The following DLGAP4 variants were observed in gnomAD, a reference collection of about 807,000 sequenced individuals.
The protein encoded by DLGAP4 is disks large-associated protein 4.
In DLGAP4, 18 loss-of-function variants were observed where a neutral mutation model predicts 86.9. The observed-to-expected ratio is 0.21, with a 90% CI of 0.14 to 0.31. DLGAP4 has a LOEUF of 0.31. Among genes scored for constraint, DLGAP4 ranks in the 10% least tolerant of loss-of-function variants. The probability of loss-of-function intolerance (pLI) is 1.00; values close to 1 mark genes in which losing one functional copy is unlikely to be tolerated. For missense variants in DLGAP4, 1,085 were observed against 1,362.6 expected, an observed-to-expected ratio of 0.80 and a Z score of 3.21; for synonymous variants, 548 against 574.3, an observed-to-expected ratio of 0.95 and a Z score of 0.65.
chr20:36,334,124 C>A (rs1555891853), intron 1 of DLGAP4, among the ~76,000 whole-genome samples: 1 of 152,218 alleles, frequency 6.6e-6, no homozygotes, highest in Non-Finnish European at 1.5e-5. Context: ...GTGAACAAGC[C>A]AGACCCAGCC....
chr20:36,412,455 T>C (rs1389562205), intron 2 of DLGAP4, among the ~76,000 whole-genome samples: 2 of 152,214 alleles, frequency 1.3e-5, no homozygotes, highest in Non-Finnish European at 1.5e-5. Context: ...GGACATTGTC[T>C]CCTGAGAGCT....
chr20:36,382,968 G>A (rs2031458619), intron 2 of DLGAP4, among the ~76,000 whole-genome samples: 1 of 152,172 alleles, frequency 6.6e-6, no homozygotes, highest in African/African-American at 2.4e-5. Flanking sequence ...TTGTTGGGAA[G>A]GGGGAATGTT....
intron 1 of DLGAP4, among the ~76,000 whole-genome samples, chr20:36,342,169 G>T (rs1555892577): frequency 6.6e-6 from 1 of 152,148 alleles, no homozygotes; most frequent in Admixed American, 6.5e-5. Context: ...AGAGCCAGGG[G>T]CCTCCATACA....
intron 1 of DLGAP4, among the ~76,000 whole-genome samples, chr20:36,360,256 C>A (rs1410512992): frequency 9.2e-5 from 14 of 152,186 alleles, no homozygotes; most frequent in African/African-American, 3.4e-4. Flanking sequence ...TGGTATCTGA[C>A]CCCAGGCTGT....
chr20:36,307,229 G>A (rs888420135), intron 1 of DLGAP4, among the ~76,000 whole-genome samples: 15 of 152,220 alleles, frequency 9.9e-5, no homozygotes, highest in African/African-American at 2.7e-4. Flanking sequence ...GCCCCCACGT[G>A]CGGCGCCCCG....
chr20:36,487,411 A>G (rs1048820991), intron 7 of DLGAP4, among the ~76,000 whole-genome samples: 1 of 152,294 alleles, frequency 6.6e-6, no homozygotes, highest in East Asian at 1.9e-4. Flanking sequence ...ATGGGATGCT[A>G]TGGGCAGGAA....
chr20:36,461,682 T>TGCCCCGCCCC (rs1490161907), intron 7 of DLGAP4: 1 of 61,982 alleles, frequency 1.6e-5, no homozygotes, highest in Non-Finnish European at 2.1e-5. Flanking sequence ...GGCCCGGCCC[T>TGCCCCGCCCC]GCCCCGCCCC....
At chr20:36,499,350 T>TTCCCCCCCCCC in intron 8 of DLGAP4, 2 of 1,544,998 alleles carry the variant, frequency 1.3e-6, no homozygotes, top group Middle Eastern at 2.4e-4. Flanking sequence ...CTCCACCCCA[T>TTCCCCCCCCCC]CCCACCTCCC....
intron 7 of DLGAP4, among the ~76,000 whole-genome samples, chr20:36,447,671 G>A (rs927338004): frequency 6.6e-6 from 1 of 152,038 alleles, no homozygotes; most frequent in Non-Finnish European, 1.5e-5. Context: ...TCTGCTCATC[G>A]TGGCCTCCCA....
chr20:36,344,759 G>T (rs1016590309), intron 1 of DLGAP4, among the ~76,000 whole-genome samples: 1 of 152,234 alleles, frequency 6.6e-6, no homozygotes, highest in Non-Finnish European at 1.5e-5. Flanking sequence ...AGGGCCCTGG[G>T]TGTGAGGTCC....
chr20:36,337,281 C>T (rs2065332376), intron 1 of DLGAP4, among the ~76,000 whole-genome samples: 1 of 149,034 alleles, frequency 6.7e-6, no homozygotes, highest in African/African-American at 2.5e-5. Context: ...TGCTCATTCG[C>T]TCAATAATTC....
chr20:36,526,662 G>A (rs1207694573), intron 12 of DLGAP4, 151 bp from the exon 13 acceptor site: 23 of 712,798 alleles, frequency 3.2e-5, no homozygotes, highest in African/African-American at 1.6e-4. Flanking sequence ...ATCGCTTCTC[G>A]TGGCTTCCTG....
intron 2 of DLGAP4, among the ~76,000 whole-genome samples, chr20:36,379,183 T>C (rs1194412586): frequency 6.6e-6 from 1 of 152,022 alleles, no homozygotes; most frequent in Non-Finnish European, 1.5e-5. Flanking sequence ...CTGCAAATGC[T>C]GGATGGGTAA....
At position 36,306,469 on chromosome 20, in the gene DLGAP4, G is replaced by T; in HGVS notation, c.-347G>T. ...ACCCGAGAGGCGGCGGCGGCGCAGCGGAACGGCAGAGCGGGCCGGAGGCGG... is the reference window on the plus strand; with the variant it reads ...ACCCGAGAGGCGGCGGCGGCGCAGCTGAACGGCAGAGCGGGCCGGAGGCGG... On this transcript the variant is annotated 5_prime_UTR_variant, in exon 1 of 13. Coordinates refer to ENST00000339266, the MANE Select transcript of DLGAP4 (RefSeq NM_001365621.2). This position sits in a 1 kb window ranked among gnomAD's most constrained non-coding sequence, Gnocchi z 4.9. 3 of 150,604 alleles carry T rather than the reference G, an allele frequency of 2.0e-5. No individual in the cohort carries two copies. The South Asian group carries it at 5.3e-4, about 27-fold the overall frequency. The allele number at this position is 150,604 out of a possible 1,614,324, so 9.3% of individuals were successfully genotyped here.
rs964439075 is a variant in DLGAP4 at position 36,514,486 on chromosome 20, A to G, written c.2513-9764A>G. The stretch of plus-strand genomic sequence containing the variant: ...AGTGCAGTGGTGTGATCTCAGCTCA[A>G]TGCAGCCTTGAACTCCTGGGCTCCA... On this transcript the variant is annotated intron_variant, in intron 10 of 12. Transcript: ENST00000339266. 2.6e-5 allele frequency among the ~76,000 whole-genome samples: 4 copies of G among 152,170 alleles called. No homozygotes were observed. In the Middle Eastern group the frequency reaches 0.014, roughly 518 times the overall value.
chr20:36,417,384 T>C (rs1224899579), intron 2 of DLGAP4, among the ~76,000 whole-genome samples: 1 of 151,932 alleles, frequency 6.6e-6, no homozygotes, highest in Non-Finnish European at 1.5e-5. Context: ...TTTTTGTTTT[T>C]GTTTTTGTTT....
intron 1 of DLGAP4, among the ~76,000 whole-genome samples, chr20:36,343,588 G>GA (rs1238128723): frequency 5.3e-5 from 8 of 151,568 alleles, no homozygotes; most frequent in Non-Finnish European, 7.4e-5. Context: ...CCTCCTCAAG[G>GA]AAAAAAAATG....
intron 2 of DLGAP4, among the ~76,000 whole-genome samples, chr20:36,376,483 T>A (rs1434346258): frequency 6.6e-6 from 1 of 151,964 alleles, no homozygotes; most frequent in African/African-American, 2.4e-5. Context: ...AATATATATA[T>A]AATTTTTTAA....
At chr20:36,429,398 C>CTTTTTTTTTT (rs151254062) in intron 2 of DLGAP4, among the ~76,000 whole-genome samples, 4 of 76,034 alleles carry the variant, frequency 5.3e-5, no homozygotes, top group Non-Finnish European at 7.2e-5. Flanking sequence ...TTCTTTTTTT[C>CTTTTTTTTTT]TTTTTTTTTT....
Sources: allele counts gnomAD v4.1 joint callset (sites outside exome capture counted in the v4.1 genomes callset), GRCh38; gene constraint gnomAD v4.1.1; non-coding constraint Gnocchi (gnomAD v3.1); transcripts MANE v1.5; gene names NCBI Gene and HGNC (gene_info 2026-07-23, HGNC 2026-07-21).